Variants in PPA2 observed in about 807,000 individuals in gnomAD.
PPA2 encodes the protein inorganic pyrophosphatase 2, mitochondrial.
A neutral mutation model predicts 49.5 loss-of-function variants in PPA2; 48 were observed. The ratio of observed to expected loss-of-function variants is 0.97; its 90% CI spans 0.77 to 1.23. The LOEUF is 1.23. Among genes scored for constraint, PPA2 ranks in the 50% most tolerant of loss-of-function variants. The pLI, the probability that PPA2 is intolerant of heterozygous loss-of-function variation, is 0.00. For missense variants in PPA2, 429 were observed against 410.1 expected, an observed-to-expected ratio of 1.05 and a Z score of -0.40; for synonymous variants, 131 against 139.9, an observed-to-expected ratio of 0.94 and a Z score of 0.45.
intron 1 of PPA2, among the ~76,000 whole-genome samples, chr4:105,469,197 G>A (rs1723426343): frequency 2.0e-5 from 3 of 152,104 alleles, no homozygotes; most frequent in South Asian, 2.1e-4. Flanking sequence ...TTTTTGCCAT[G>A]GTATTTCACT....
At chr4:105,393,220 G>A (rs527909561) in intron 9 of PPA2, among the ~76,000 whole-genome samples, 7 of 151,986 alleles carry the variant, frequency 4.6e-5, no homozygotes, top group African/African-American at 9.7e-5. Context: ...AAGGCCGGGC[G>A]CAGTGGCTCA....
intron 1 of PPA2, among the ~76,000 whole-genome samples, chr4:105,472,796 T>C (rs1327473138): frequency 6.6e-6 from 1 of 152,232 alleles, no homozygotes; most frequent in Non-Finnish European, 1.5e-5. Flanking sequence ...ACTGCAAATC[T>C]CTCATAAATT....
At chr4:105,401,146 G>A (rs527883981) in intron 7 of PPA2, among the ~76,000 whole-genome samples, 82 of 152,156 alleles carry the variant, frequency 5.4e-4, no homozygotes, top group African/African-American at 1.9e-3. Context: ...TGTAGTTTAT[G>A]AAAAGCATAC....
intron 6 of PPA2, among the ~76,000 whole-genome samples, chr4:105,432,832 G>T (rs1024706067): frequency 1.1e-4 from 16 of 152,118 alleles, no homozygotes; most frequent in Non-Finnish European, 2.4e-4. Flanking sequence ...GACACCCCTG[G>T]TGTAAAGACT....
intron 5 of PPA2, among the ~76,000 whole-genome samples, chr4:105,444,288 A>G (rs1333653183): frequency 6.6e-6 from 1 of 152,206 alleles, no homozygotes; most frequent in African/African-American, 2.4e-5. Flanking sequence ...AGGATAGAGA[A>G]GTAAGCGGAG....
intron 1 of PPA2, among the ~76,000 whole-genome samples, chr4:105,468,858 CCT>C (rs1426025078): frequency 1.3e-5 from 2 of 152,154 alleles, no homozygotes; most frequent in African/African-American, 4.8e-5. Flanking sequence ...AACTAATCCC[CCT>C]GTGTTAAGTT....
chr4:105,452,289 C>T (rs1722706027), intron 3 of PPA2, among the ~76,000 whole-genome samples: 1 of 152,038 alleles, frequency 6.6e-6, no homozygotes, highest in South Asian at 2.1e-4. Flanking sequence ...TATGTTTTTC[C>T]CACTAATGTA....
rs575712779 is a variant in PPA2 at position 105,464,542 on chromosome 4, CA to C, written c.158-7798del. 2.1e-3 allele frequency among the ~76,000 whole-genome samples: 313 copies of C among 152,192 alleles called. 5 individuals carry two copies. The highest frequency in any genetic ancestry group is 7.4e-3 in the African/African-American group (306 of 41,512). On this transcript the variant is annotated intron_variant, in intron 1 of 11. Coordinates refer to ENST00000341695, the MANE Select transcript of PPA2 (RefSeq NM_176869.3). ...TGAGGACATGAGATTTGAGAGGGGC[CA>C]GGGGCAGAATGATATGGTTTGGCTG... is the stretch of plus-strand genomic sequence containing the variant.
intron 10 of PPA2, among the ~76,000 whole-genome samples, chr4:105,374,944 G>A (rs935544581): frequency 2.0e-5 from 3 of 150,438 alleles, no homozygotes; most frequent in African/African-American, 4.9e-5. Flanking sequence ...TACCCGCCTC[G>A]GTCTCCTTAA....
intron 1 of PPA2, chr4:105,473,675 T>C: frequency 1.2e-6 from 1 of 813,700 alleles, no homozygotes; most frequent in Non-Finnish European, 2.1e-6. Context: ...GCCTCTGCTC[T>C]CCGCTTTGGG....
At chr4:105,370,759 G>C in intron 11 of PPA2, 78 bp downstream of exon 11, 1 of 1,275,226 alleles carries the variant, frequency 7.8e-7, no homozygotes, top group South Asian at 2.0e-5. Flanking sequence ...TTTATTTTTA[G>C]TTTTAGTTTT....
intron 6 of PPA2, among the ~76,000 whole-genome samples, chr4:105,425,759 CA>C (rs1560625285): frequency 7.0e-5 from 10 of 142,232 alleles, no homozygotes; most frequent in African/African-American, 2.4e-4. Context: ...CACACACACA[CA>C]CACCCATCAG....
intron 6 of PPA2, among the ~76,000 whole-genome samples, chr4:105,427,560 C>T (rs1301773799): frequency 6.6e-6 from 1 of 151,992 alleles, no homozygotes; most frequent in Non-Finnish European, 1.5e-5. Context: ...CATACAAAAG[C>T]TTCAACAGCC....
intron 5 of PPA2, among the ~76,000 whole-genome samples, chr4:105,442,475 C>T (rs1412665959): frequency 3.3e-5 from 5 of 152,144 alleles, no homozygotes; most frequent in Non-Finnish European, 5.9e-5. Context: ...ATAAACATAT[C>T]AATACTACAT....
At chr4:105,453,365 T>C (rs575356858) in intron 3 of PPA2, among the ~76,000 whole-genome samples, 43 of 152,310 alleles carry the variant, frequency 2.8e-4, no homozygotes, top group East Asian at 1.9e-3. Context: ...TGCCACTAAA[T>C]TGTACTTTAA....
intron 1 of PPA2, among the ~76,000 whole-genome samples, chr4:105,458,843 A>AC (rs1722970979): frequency 6.7e-6 from 1 of 150,240 alleles, no homozygotes. Context: ...AAAAAAAAAA[A>AC]AAGGCATGTA....
chr4:105,456,874 C>T, intron 1 of PPA2, 129 bp from the exon 2 acceptor site: 1 of 627,818 alleles, frequency 1.6e-6, no homozygotes, highest in Non-Finnish European at 2.5e-6. Flanking sequence ...CTTTAACTCC[C>T]AACTTAAAGT....
chr4:105,439,036 CCAA>C (rs1724207831), intron 5 of PPA2, among the ~76,000 whole-genome samples: 1 of 151,866 alleles, frequency 6.6e-6, no homozygotes, highest in African/African-American at 2.4e-5. Flanking sequence ...TAAATGAAGT[CCAA>C]CAACATTTCA....
At chr4:105,417,652 T>G (rs1327251276) in intron 7 of PPA2, among the ~76,000 whole-genome samples, 1 of 152,018 alleles carries the variant, frequency 6.6e-6, no homozygotes, top group Non-Finnish European at 1.5e-5. Context: ...TTTAACTCGA[T>G]TTGTCCTTGT....
Sources: allele counts gnomAD v4.1 joint callset (sites outside exome capture counted in the v4.1 genomes callset), GRCh38; gene constraint gnomAD v4.1.1; transcripts MANE v1.5; gene names NCBI Gene and HGNC (gene_info 2026-07-23, HGNC 2026-07-21).